C1GALT1: variants seen among roughly 807,000 people sequenced by gnomAD.
C1GALT1 encodes the protein core 1 synthase, glycoprotein-N-acetylgalactosamine 3-beta-galactosyltransferase 1, also known as glycoprotein-N-acetylgalactosamine 3-beta-galactosyltransferase 1.
C1GALT1 carries 11 observed loss-of-function variants against 31.0 expected under a neutral mutation model. The ratio of observed to expected loss-of-function variants is 0.36; its 90% CI spans 0.22 to 0.59. The LOEUF (loss-of-function observed/expected upper bound fraction) is 0.59, where lower values mean the gene tolerates loss of function less well. Among genes scored for constraint, C1GALT1 ranks in the 20% least tolerant of loss-of-function variants. The pLI is 0.79. For synonymous variants in C1GALT1, 175 were observed against 143.6 expected, an observed-to-expected ratio of 1.22 and a Z score of -1.56; for missense variants, 424 against 425.2, an observed-to-expected ratio of 1.00 and a Z score of 0.03.
chr7:7,247,122 C>T lies in C1GALT1; in HGVS notation c.*3395C>T, dbSNP rs1783879564. The stretch of plus-strand genomic sequence containing the variant: ...AAAAATTAAATTGAAGTAGTAAATG[C>T]TGTTTTATAACATACATTTTTCTGC... On this transcript the variant is annotated 3_prime_UTR_variant, in exon 4 of 4. Coordinates refer to ENST00000436587, the MANE Select transcript of C1GALT1 (RefSeq NM_020156.5). 6.6e-6 allele frequency: 1 copy of T among 152,120 alleles called. No homozygotes were observed. The highest frequency in any genetic ancestry group is 2.4e-5 in the African/African-American group (1 of 41,418). The allele number at this position is 152,120 out of a possible 1,614,324, so 9.4% of individuals were successfully genotyped here. A position where few individuals can be genotyped will look rare whatever the true frequency, so the allele number is the denominator to read the frequency against.
At chr7:7,206,724 G>A (rs1005140378) in intron 1 of C1GALT1, among the ~76,000 whole-genome samples, 22 of 150,398 alleles carry the variant, frequency 1.5e-4, no homozygotes, top group Non-Finnish European at 8.9e-5. Flanking sequence ...TTTAAAGGAC[G>A]GTTTTTGTGG....
At chr7:7,189,448 A>G (rs949567998) in intron 1 of C1GALT1, among the ~76,000 whole-genome samples, 1 of 152,198 alleles carries the variant, frequency 6.6e-6, no homozygotes, top group Admixed American at 6.5e-5. Context: ...ATAAACTTTA[A>G]AAGTTTTGCC....
intron 1 of C1GALT1, among the ~76,000 whole-genome samples, chr7:7,223,882 G>T (rs867552533): frequency 6.6e-6 from 1 of 152,100 alleles, no homozygotes; most frequent in Non-Finnish European, 1.5e-5. Context: ...TTACCATTAA[G>T]TGTACCATTA....
At chr7:7,239,632 A>G (rs1783531192) in intron 3 of C1GALT1, among the ~76,000 whole-genome samples, 1 of 152,204 alleles carries the variant, frequency 6.6e-6, no homozygotes, top group African/African-American at 2.4e-5. Flanking sequence ...TTCACACAGT[A>G]AGCATTTAAT....
chr7:7,162,102 C>G (rs1468484166), intron 2 of C1GALT1, among the ~76,000 whole-genome samples: 4 of 138,170 alleles, frequency 2.9e-5, no homozygotes, highest in African/African-American at 5.4e-5. Flanking sequence ...AGCTATTTTT[C>G]TTTTTTTAAA....
At chr7:7,235,671 C>G (rs528808065) in intron 2 of C1GALT1, among the ~76,000 whole-genome samples, 2 of 152,116 alleles carry the variant, frequency 1.3e-5, no homozygotes, top group South Asian at 4.1e-4. Flanking sequence ...GTGGGGTATG[C>G]TAAAAGTTTG....
At chr7:7,170,973 G>T (rs1562552910) in intron 2 of C1GALT1, among the ~76,000 whole-genome samples, 1 of 152,156 alleles carries the variant, frequency 6.6e-6, no homozygotes, top group Admixed American at 6.5e-5. Context: ...GGTCAGAAAA[G>T]ATACTGTGTA....
intron 2 of C1GALT1, chr7:7,234,820 GT>G (rs1782064588): frequency 4.2e-6 from 1 of 236,668 alleles, no homozygotes; most frequent in African/African-American, 2.3e-5. Context: ...GTTTTTCTAG[GT>G]TCAGTTTTGT....
Position 7,244,620 on chromosome 7 carries a change from CTAAG to C in C1GALT1, c.*895_*898del, listed in dbSNP as rs1275464309. The C allele has an allele frequency of 3.3e-5, 5 of 152,238 alleles. No individual in the cohort carries two copies. The highest frequency in any genetic ancestry group is 9.6e-5 in the African/African-American group (4 of 41,548). 9.4% of individuals were successfully genotyped at this position (152,238 alleles called of 1,614,324 possible). On this transcript the variant is annotated 3_prime_UTR_variant, in exon 4 of 4. Transcript: ENST00000436587. Reference sequence around the variant, plus strand: ...ATAACAGTGCCACTCTCAGGAATTACTAAGTGACATTTTAAATTGATATTTTAAA... The same window carrying C: ...ATAACAGTGCCACTCTCAGGAATTACTGACATTTTAAATTGATATTTTAAA...
rs183341972 is a variant in C1GALT1, at chr7:7,162,219, C to G, written c.-18+4793C>G. The stretch of plus-strand genomic sequence containing the variant: ...CATGCTGGTGTGCTGCACCCATTAA[C>G]TTGTCATGTAGCATTAGGTATATCT... On this transcript the variant is annotated intron_variant, in intron 2 of 3. Transcript: ENST00000429911. Among the ~76,000 whole-genome samples the G allele has an allele frequency of 5.2e-3, 773 of 149,632 alleles. 2 individuals are homozygous for G. The highest frequency in any genetic ancestry group is 8.1e-3 in the Non-Finnish European group (549 of 67,424).
chr7:7,176,521 G>C (rs1780507874), intron 2 of C1GALT1, among the ~76,000 whole-genome samples: 1 of 152,172 alleles, frequency 6.6e-6, no homozygotes, highest in African/African-American at 2.4e-5. Flanking sequence ...GGAACAAAGA[G>C]TAACCCCAGG....
chr7:7,181,735 T>A (rs1192864716), upstream of C1GALT1, among the ~76,000 whole-genome samples: 4 of 152,168 alleles, frequency 2.6e-5, no homozygotes, highest in Non-Finnish European at 4.4e-5. Context: ...ACCGCTTGGA[T>A]AGGGCATTTA....
In C1GALT1 at chr7:7,182,689, G is replaced by C. The variant is rs1001633380; in HGVS notation, c.-149G>C. ...GCCGCTGCCGGGGAATAATCTGGGC[G>C]GCAGCGGGCGGCCTCGGCTAGCGGC... On this transcript the variant is annotated 5_prime_UTR_variant, in exon 1 of 4. Coordinates refer to ENST00000436587, the MANE Select transcript of C1GALT1 (RefSeq NM_020156.5). The C allele has an allele frequency of 1.8e-6, 1 of 544,490 alleles. No homozygotes were observed. Among genetic ancestry groups the C allele is most frequent in the Non-Finnish European group, 2.3e-6 (1 of 426,902 alleles). 33.7% of individuals were successfully genotyped at this position (544,490 alleles called of 1,614,324 possible). A position where few individuals can be genotyped will look rare whatever the true frequency, so the allele number is the denominator to read the frequency against.
At chr7:7,185,894 G>A (rs1005971458) in intron 1 of C1GALT1, among the ~76,000 whole-genome samples, 1 of 152,224 alleles carries the variant, frequency 6.6e-6, no homozygotes, top group Non-Finnish European at 1.5e-5. Context: ...GTGGAAACAG[G>A]ATGGGACACT....
At chr7:7,194,735 T>C (rs904859295) in intron 1 of C1GALT1, among the ~76,000 whole-genome samples, 1 of 152,166 alleles carries the variant, frequency 6.6e-6, no homozygotes, top group Non-Finnish European at 1.5e-5. Flanking sequence ...TGTGGGATAG[T>C]GTCAATAGGA....
chr7:7,188,902 G>T (rs892558485), intron 1 of C1GALT1, among the ~76,000 whole-genome samples: 8 of 152,164 alleles, frequency 5.3e-5, no homozygotes, highest in Non-Finnish European at 1.2e-4. Flanking sequence ...ATACATATGT[G>T]ATGATATAGG....
intron 1 of C1GALT1, among the ~76,000 whole-genome samples, chr7:7,188,517 C>T (rs1386536113): frequency 6.6e-6 from 1 of 151,924 alleles, no homozygotes; most frequent in African/African-American, 2.4e-5. Flanking sequence ...AAAATTGCCT[C>T]CCTTTATTTA....
At chr7:7,220,483 TTGATCTA>T (rs1239612953) in intron 1 of C1GALT1, among the ~76,000 whole-genome samples, 1 of 152,214 alleles carries the variant, frequency 6.6e-6, no homozygotes, top group African/African-American at 2.4e-5. Flanking sequence ...ATGCTGAGCA[TTGATCTA>T]AACAAAATCT....
intron 1 of C1GALT1, among the ~76,000 whole-genome samples, chr7:7,224,766 CTCTT>C (rs1782677669): frequency 1.3e-5 from 2 of 152,092 alleles, no homozygotes; most frequent in Non-Finnish European, 2.9e-5. Flanking sequence ...AAAGAACCAG[CTCTT>C]TTTTTTACAT....
Sources: gnomAD v4.1 joint callset for allele counts (sites outside exome capture counted in the v4.1 genomes callset) on GRCh38, gnomAD v4.1.1 for gene constraint, MANE v1.5 for transcripts, NCBI Gene and HGNC (gene_info 2026-07-23, HGNC 2026-07-21) for gene names.